PCDH7: variants seen among roughly 807,000 people sequenced by gnomAD.
PCDH7 encodes protocadherin-7.
In PCDH7, 17 loss-of-function variants were observed where a neutral mutation model predicts 58.9. The ratio of observed to expected loss-of-function variants is 0.29; its 90% confidence interval spans 0.20 to 0.43. The LOEUF (loss-of-function observed/expected upper bound fraction) is 0.43. Ranked by LOEUF, PCDH7 falls within the 20% of genes least tolerant of loss-of-function variation. The probability of loss-of-function intolerance (pLI) is 1.00; values close to 1 mark genes in which losing one functional copy is unlikely to be tolerated. For synonymous variants in PCDH7, 664 were observed against 616.4 expected (o/e 1.08, Z -1.14); for missense variants, 1,274 against 1,441.0 (o/e 0.88, Z 1.88).
intron 3 of PCDH7, among the ~76,000 whole-genome samples, chr4:31,080,587 T>G (rs1348613516): frequency 6.6e-6 from 1 of 152,168 alleles, no homozygotes; most frequent in Non-Finnish European, 1.5e-5. Context: ...AGTAAGATCG[T>G]TCTTTAGAAA....
intron 3 of PCDH7, among the ~76,000 whole-genome samples, chr4:31,129,999 C>T (rs984391422): frequency 4.0e-5 from 6 of 151,676 alleles, no homozygotes; most frequent in African/African-American, 1.5e-4. Flanking sequence ...AAAACAACAA[C>T]AAAAAATAAG....
intron 3 of PCDH7, among the ~76,000 whole-genome samples, chr4:31,052,648 C>A (rs1756848035): frequency 6.6e-6 from 1 of 152,038 alleles, no homozygotes; most frequent in African/African-American, 2.4e-5. Flanking sequence ...TCATACCAAG[C>A]ACAAGTGATC....
At position 31,039,101 on chromosome 4, in the gene PCDH7, A is replaced by G. The variant is rs892288801; in HGVS notation, c.*7+88886A>G. Among the ~76,000 whole-genome samples, 4 of 152,176 alleles carry G rather than the reference A, an allele frequency of 2.6e-5. No homozygotes were observed. The East Asian group carries it at 7.7e-4, about 29-fold the overall frequency. ...GAAATAATTTCTGTAAGAATTATCAATTCTAAATATCAAAAAAAAAAGCTC... is the reference window on the plus strand; with the variant it reads ...GAAATAATTTCTGTAAGAATTATCAGTTCTAAATATCAAAAAAAAAAGCTC... On this transcript the variant is annotated intron_variant, in intron 3 of 3. Coordinates refer to the PCDH7 transcript ENST00000509759.
intron 1 of PCDH7, among the ~76,000 whole-genome samples, chr4:30,829,894 T>C (rs961173740): frequency 1.3e-5 from 2 of 152,118 alleles, no homozygotes; most frequent in Admixed American, 6.6e-5. Flanking sequence ...TTCATTATAA[T>C]ATGACAGTTG....
At chr4:31,035,194 G>A (rs1390810428) in intron 3 of PCDH7, among the ~76,000 whole-genome samples, 2 of 150,608 alleles carry the variant, frequency 1.3e-5, no homozygotes, top group African/African-American at 4.9e-5. Context: ...TTATGCGGTA[G>A]CATCAATTCA....
chr4:30,722,682 T>C lies in PCDH7; in HGVS notation c.1260T>C (p.Ile420=). Residue 420 remains isoleucine, a synonymous_variant, in exon 1 of 2, where the codon ATT becomes ATC. Transcript: ENST00000361762. The surrounding 1 kb of genome is among the most constrained non-coding windows in gnomAD (Gnocchi z 7.6). ...TGCCGTCCATTGAAATCCGCAAGAT[T>C]GGGCGCATCCCCCTCAAGGACGGGG... The C allele has an allele frequency of 6.2e-7, 1 of 1,613,602 alleles. No individual in the cohort carries two copies. The highest frequency in any genetic ancestry group is 8.5e-7 in the Non-Finnish European group (1 of 1,180,022).
At chr4:30,877,619 A>G (rs1298284581) in intron 1 of PCDH7, among the ~76,000 whole-genome samples, 2 of 152,190 alleles carry the variant, frequency 1.3e-5, no homozygotes, top group East Asian at 1.9e-4. Context: ...TCCATTTCTA[A>G]TATCAGTGCT....
intron 3 of PCDH7, 65 bp from the exon 3 acceptor site, chr4:31,142,408 A>G (rs1720374050): frequency 8.0e-6 from 10 of 1,242,722 alleles, no homozygotes; most frequent in East Asian, 4.7e-5. Context: ...CTCTAATTTC[A>G]TATAGATCAG....
chr4:30,996,560 TC>T (rs1751918865), intron 3 of PCDH7, among the ~76,000 whole-genome samples: 1 of 152,060 alleles, frequency 6.6e-6, no homozygotes, highest in South Asian at 2.1e-4. Flanking sequence ...CCTTTCGAGA[TC>T]ATCTTGGGAC....
chr4:31,003,501 A>G (rs1752521446), intron 3 of PCDH7, among the ~76,000 whole-genome samples: 1 of 150,130 alleles, frequency 6.7e-6, no homozygotes, highest in South Asian at 2.1e-4. Context: ...TTTGTTTTGG[A>G]TTTTGGAATA....
At chr4:30,898,747 C>A (rs34625421) in intron 1 of PCDH7, among the ~76,000 whole-genome samples, 6,742 of 152,204 alleles carry the variant, frequency 0.044, 311 homozygotes, top group East Asian at 0.26. Flanking sequence ...CCCGCCACCA[C>A]GCCCGGCTAA....
At chr4:30,985,794 G>GT (rs1307682950) in intron 3 of PCDH7, among the ~76,000 whole-genome samples, 9 of 152,162 alleles carry the variant, frequency 5.9e-5, no homozygotes, top group Non-Finnish European at 2.9e-5. Flanking sequence ...ATGGCCCGGA[G>GT]TAAACCATTG....
chr4:30,801,315 T>G (rs1486386523), intron 1 of PCDH7, among the ~76,000 whole-genome samples: 2 of 152,160 alleles, frequency 1.3e-5, no homozygotes, highest in African/African-American at 2.4e-5. Context: ...TAGTGATAGG[T>G]GACTCCATGC....
At chr4:30,805,308 G>A (rs910732261) in intron 1 of PCDH7, among the ~76,000 whole-genome samples, 2 of 152,132 alleles carry the variant, frequency 1.3e-5, no homozygotes, top group Non-Finnish European at 2.9e-5. Context: ...CATATGGTAG[G>A]TTTTGGTGCC....
At chr4:31,111,913 C>G (rs541876809) in intron 3 of PCDH7, among the ~76,000 whole-genome samples, 5 of 152,130 alleles carry the variant, frequency 3.3e-5, no homozygotes, top group Non-Finnish European at 7.4e-5. Flanking sequence ...CATTTAAAAG[C>G]ATAATGATTT....
intron 1 of PCDH7, among the ~76,000 whole-genome samples, chr4:30,896,769 G>GA (rs1234595560): frequency 2.0e-5 from 3 of 149,576 alleles, no homozygotes; most frequent in Admixed American, 6.7e-5. Flanking sequence ...ACTTTTTAAA[G>GA]AAAAAACACA....
downstream of PCDH7, chr4:31,146,704 C>G (rs1578920471): frequency 6.6e-6 from 1 of 152,084 alleles, no homozygotes; most frequent in East Asian, 1.9e-4. Flanking sequence ...TTATGAAATA[C>G]TTTGCATAAT....
intron 1 of PCDH7, among the ~76,000 whole-genome samples, chr4:30,738,462 A>T (rs1429724886): frequency 6.6e-6 from 1 of 151,984 alleles, no homozygotes; most frequent in South Asian, 2.1e-4. Context: ...CTACGTTTGC[A>T]TGGGCATCAA....
chr4:31,085,435 G>C (rs1712280664), intron 3 of PCDH7, among the ~76,000 whole-genome samples: 1 of 152,104 alleles, frequency 6.6e-6, no homozygotes, highest in Non-Finnish European at 1.5e-5. Context: ...TAGTCCCCAG[G>C]CAAGAAGGAG....
Sources: gnomAD v4.1 joint callset for allele counts (sites outside exome capture counted in the v4.1 genomes callset) on GRCh38, gnomAD v4.1.1 for gene constraint, Gnocchi (gnomAD v3.1) non-coding constraint, MANE v1.5 for transcripts, NCBI Gene and HGNC (gene_info 2026-07-23, HGNC 2026-07-21) for gene names.